The following TFCP2L1 variants were observed in gnomAD, a reference collection of about 807,000 sequenced individuals.
The protein encoded by TFCP2L1 is transcription factor CP2-like protein 1.
In TFCP2L1, 12 loss-of-function variants were observed where a neutral mutation model predicts 72.2. The ratio of observed to expected loss-of-function variants is 0.17; its 90% CI spans 0.11 to 0.27. The LOEUF (loss-of-function observed/expected upper bound fraction) is 0.27, where lower values mean the gene tolerates loss of function less well. Ranked by LOEUF, TFCP2L1 falls within the 10% of genes least tolerant of loss-of-function variation. TFCP2L1 has a pLI of 1.00. For missense variants in TFCP2L1, 488 were observed against 624.6 expected (o/e 0.78, Z 2.33); for synonymous variants, 260 against 251.0 (o/e 1.04, Z -0.34).
Position 121,225,640 on chromosome 2 carries a change from C to T in TFCP2L1, c.1342-27G>A, listed in dbSNP as rs79953082. Reference sequence around the variant, plus strand: ...TGAGAGACAAAAGAGAGAACATGTTCCTTCAACCACGAGTTCATCATTTGG... The same window carrying T: ...TGAGAGACAAAAGAGAGAACATGTTTCTTCAACCACGAGTTCATCATTTGG... On this transcript the variant is annotated intron_variant, in intron 13 of 14. Coordinates refer to ENST00000263707, the MANE Select transcript of TFCP2L1 (RefSeq NM_014553.3). The T allele has an allele frequency of 2.6e-3, 4,191 of 1,609,580 alleles. 142 individuals carry two copies. In the African/African-American group the frequency reaches 0.05, roughly 19 times the overall value.
At chr2:121,259,938 G>A (rs2104727589) in intron 2 of TFCP2L1, among the ~76,000 whole-genome samples, 2 of 152,284 alleles carry the variant, frequency 1.3e-5, no homozygotes, top group South Asian at 4.1e-4. Context: ...GTACATAATG[G>A]ATGCTCACAA....
At chr2:121,263,974 G>A (rs1240630221) in intron 2 of TFCP2L1, among the ~76,000 whole-genome samples, 1 of 152,196 alleles carries the variant, frequency 6.6e-6, no homozygotes, top group Non-Finnish European at 1.5e-5. Context: ...AAAAAAGCCT[G>A]CCCTGTAAGT....
Position 121,281,060 on chromosome 2 carries a change from T to C in TFCP2L1, c.214+60A>G, listed in dbSNP as rs912515876. 1.9e-6 allele frequency: 3 copies of C among 1,607,706 alleles called. No homozygotes were observed. In the African/African-American group the frequency reaches 4.0e-5, roughly 22 times the overall value. ...AAAGTCACAAGGCCCAAATGGGCCT[T>C]TCGCATCAGCTCCCCACTACTTCTG... On this transcript the variant is annotated intron_variant, in intron 2 of 14. Transcript: ENST00000263707.
chr2:121,279,703 G>A (rs1409273656), intron 2 of TFCP2L1, among the ~76,000 whole-genome samples: 2 of 152,202 alleles, frequency 1.3e-5, no homozygotes, highest in Non-Finnish European at 2.9e-5. Context: ...CAAAGTTCGC[G>A]GAGAGGAAGC....
chr2:121,235,846 C>A (rs1052509819), intron 10 of TFCP2L1, among the ~76,000 whole-genome samples: 2 of 151,952 alleles, frequency 1.3e-5, no homozygotes, highest in Non-Finnish European at 2.9e-5. Flanking sequence ...TCTGAATACA[C>A]CCCAGGACCC....
intron 2 of TFCP2L1, among the ~76,000 whole-genome samples, chr2:121,270,346 G>A (rs1034181654): frequency 6.6e-6 from 1 of 152,170 alleles, no homozygotes; most frequent in Non-Finnish European, 1.5e-5. Context: ...AGATAAGGGA[G>A]GAGAAAATAA....
chr2:121,247,359 G>A (rs890847192), intron 5 of TFCP2L1, among the ~76,000 whole-genome samples: 4 of 152,038 alleles, frequency 2.6e-5, no homozygotes, highest in African/African-American at 9.7e-5. Context: ...CTGGTGTCCA[G>A]GCTACTCAGG....
At chr2:121,281,392 CGCAGG>C in intron 1 of TFCP2L1, 121 bp from the exon 2 acceptor site, 1 of 1,127,036 alleles carries the variant, frequency 8.9e-7, no homozygotes, top group African/African-American at 1.6e-5. Context: ...GCACGCGCAT[CGCAGG>C]GTGCTGGCTG....
At chr2:121,260,079 G>GC (rs1285373683) in intron 2 of TFCP2L1, among the ~76,000 whole-genome samples, 1 of 152,168 alleles carries the variant, frequency 6.6e-6, no homozygotes, top group African/African-American at 2.4e-5. Flanking sequence ...ACAGGCAGAA[G>GC]CCCCATCAAC....
At chr2:121,228,367 C>T (rs1686073387) in intron 13 of TFCP2L1, among the ~76,000 whole-genome samples, 1 of 152,008 alleles carries the variant, frequency 6.6e-6, no homozygotes. Context: ...GTCCACTGCT[C>T]ACAGCATGTC....
intron 2 of TFCP2L1, among the ~76,000 whole-genome samples, chr2:121,271,486 G>A (rs937746291): frequency 1.3e-5 from 2 of 152,072 alleles, no homozygotes; most frequent in Non-Finnish European, 1.5e-5. Context: ...TAAGTAATAC[G>A]TTTTAAAGTC....
chr2:121,254,724 A>T (rs1447805210), intron 2 of TFCP2L1, among the ~76,000 whole-genome samples: 1 of 151,982 alleles, frequency 6.6e-6, no homozygotes, highest in Admixed American at 6.6e-5. Flanking sequence ...AGTTGCTTGT[A>T]TCTGCAAGGC....
At chr2:121,242,617 C>T (rs750941221) in intron 6 of TFCP2L1, 148 bp from the exon 7 acceptor site, 9 of 711,896 alleles carry the variant, frequency 1.3e-5, no homozygotes, top group Non-Finnish European at 2.0e-5. Context: ...TCCCATTCTG[C>T]CTGAATGCTT....
chr2:121,246,781 G>A (rs776657216), intron 6 of TFCP2L1, 37 bp downstream of exon 6: 10 of 1,612,128 alleles, frequency 6.2e-6, no homozygotes, highest in Non-Finnish European at 8.5e-6. Context: ...GGCCAGGCCA[G>A]CAGCAGGGCA....
At chr2:121,279,398 G>T (rs1033885299) in intron 2 of TFCP2L1, among the ~76,000 whole-genome samples, 1 of 152,152 alleles carries the variant, frequency 6.6e-6, no homozygotes, top group Non-Finnish European at 1.5e-5. Context: ...GCCACCGTCC[G>T]CTGCAGATGG....
At chr2:121,258,682 T>A (rs1686773880) in intron 2 of TFCP2L1, among the ~76,000 whole-genome samples, 4 of 152,102 alleles carry the variant, frequency 2.6e-5, no homozygotes, top group Admixed American at 2.0e-4. Context: ...AGCATCGACA[T>A]CATGAAAAAT....
rs150649503 is a variant in TFCP2L1, at chr2:121,242,386, C to T, written c.741G>A (p.Pro247=). The change falls in exon 7 of 15, where the codon CCG becomes CCA. Residue 247 remains proline (P), a synonymous_variant. Transcript: ENST00000263707. ...CTGTGAGGATGGTGGTTTCATAGGA[C>T]GGCTGGTATTTCTCCTTCTCTTGGG... is the stretch of plus-strand genomic sequence containing the variant. ...RTAQEKEKYQ[P]SYETTILTEC... is the part of the protein sequence containing the mutation. The T allele has an allele frequency of 2.4e-5, 38 of 1,614,164 alleles. No homozygotes were observed. Among genetic ancestry groups the T allele is most frequent in the East Asian group, 1.6e-4 (7 of 44,882 alleles).
At chr2:121,259,422 T>C (rs1008122144) in intron 2 of TFCP2L1, among the ~76,000 whole-genome samples, 4 of 152,232 alleles carry the variant, frequency 2.6e-5, no homozygotes, top group African/African-American at 9.6e-5. Flanking sequence ...TATATATACA[T>C]CTATAGATAG....
intron 2 of TFCP2L1, among the ~76,000 whole-genome samples, chr2:121,265,206 A>G (rs1192435261): frequency 1.3e-5 from 2 of 152,226 alleles, no homozygotes; most frequent in East Asian, 3.8e-4. Context: ...ATGGACAGAA[A>G]AATGCCGCCA....
Sources: allele counts gnomAD v4.1 joint callset (sites outside exome capture counted in the v4.1 genomes callset), GRCh38; gene constraint gnomAD v4.1.1; transcripts MANE v1.5; gene names NCBI Gene and HGNC (gene_info 2026-07-23, HGNC 2026-07-21).